Variants in NRP2 observed in about 807,000 individuals in gnomAD.
The protein encoded by NRP2 is neuropilin-2.
In NRP2, 52 loss-of-function variants were observed where a neutral mutation model predicts 110.4. That is an observed-to-expected ratio of 0.47 (90% CI 0.38 to 0.59). The LOEUF (loss-of-function observed/expected upper bound fraction) is 0.59. Among genes scored for constraint, NRP2 ranks in the 20% least tolerant of loss-of-function variants. The pLI is 0.00. For synonymous variants in NRP2, 508 were observed against 468.9 expected (o/e 1.08, Z -1.08); for missense variants, 1,049 against 1,203.0 (o/e 0.87, Z 1.89).
At chr2:205,697,152 A>T (rs1337624927) in intron 1 of NRP2, among the ~76,000 whole-genome samples, 2 of 152,094 alleles carry the variant, frequency 1.3e-5, no homozygotes, top group Non-Finnish European at 2.9e-5. Flanking sequence ...GATTTATGAG[A>T]TAAAGATAGA....
rs2057721406 is a variant in NRP2 at position 205,755,637 on chromosome 2, T to TG, written c.2044+2663dup. Among the ~76,000 whole-genome samples, 2 of 147,642 alleles carry TG rather than the reference T, an allele frequency of 1.4e-5. 1 individual carries two copies. Among genetic ancestry groups the TG allele is most frequent in the Non-Finnish European group, 3.0e-5 (2 of 67,142 alleles). On this transcript the variant is annotated intron_variant, in intron 12 of 16. Coordinates refer to ENST00000357785, the MANE Select transcript of NRP2 (RefSeq NM_003872.3). Reference sequence around the variant, plus strand: ...AAAAAAAAAAAGGAGGGGGAGGCCCTGAGGGGATTGGGGAGAAGGGAAGCA... The same window carrying TG: ...AAAAAAAAAAAGGAGGGGGAGGCCCTGGAGGGGATTGGGGAGAAGGGAAGCA...
At chr2:205,683,445 A>AACG (rs1386429466) in intron 1 of NRP2, 82 bp downstream of exon 1, 1 of 964,974 alleles carries the variant, frequency 1.0e-6, no homozygotes, top group Non-Finnish European at 1.7e-6. Flanking sequence ...GGCCACGCAG[A>AACG]ACGGCACAGA....
chr2:205,736,201 G>T (rs545149505), intron 7 of NRP2, among the ~76,000 whole-genome samples: 2 of 152,166 alleles, frequency 1.3e-5, no homozygotes, highest in South Asian at 4.1e-4. Context: ...AATTAGCCAG[G>T]CTTGGTGGCG....
At chr2:205,774,544 G>T (rs893071939) in intron 15 of NRP2, among the ~76,000 whole-genome samples, 1 of 152,170 alleles carries the variant, frequency 6.6e-6, no homozygotes, top group African/African-American at 2.4e-5. Context: ...GGGACTTCTG[G>T]TCACCCAAGA....
At chr2:205,779,770 G>A (rs2058153023) in intron 15 of NRP2, 2 of 152,134 alleles carry the variant, frequency 1.3e-5, no homozygotes, top group Non-Finnish European at 1.5e-5. Context: ...TGTAGGCTTT[G>A]AGCAAACTGA....
At chr2:205,726,601 G>A (rs751056171) in intron 6 of NRP2, among the ~76,000 whole-genome samples, 16 of 152,118 alleles carry the variant, frequency 1.1e-4, no homozygotes, top group Non-Finnish European at 1.8e-4. Context: ...CCAGATGCTC[G>A]GCAGCATCTC....
rs530087986 is a variant in NRP2 at position 205,716,232 on chromosome 2, C to A, written c.291C>A (p.Ser97=). The A allele has an allele frequency of 6.2e-7, 1 of 1,614,158 alleles. No individual in the cohort carries two copies. The highest frequency in any genetic ancestry group is 8.5e-7 in the Non-Finnish European group (1 of 1,180,036). The change falls in exon 3 of 17, where the codon TCC becomes TCA. Residue 97 remains serine (S), a synonymous_variant. Coordinates refer to ENST00000357785, the MANE Select transcript of NRP2 (RefSeq NM_003872.3). ...FIEIRDGDSE[S]ADLLGKHCGN... The stretch of plus-strand genomic sequence containing the variant: ...AGATTCGGGATGGGGACAGTGAATC[C>A]GCAGACCTCCTGGGCAAACACTGTG...
intron 2 of NRP2, among the ~76,000 whole-genome samples, chr2:205,707,082 T>C (rs191548604): frequency 3.3e-5 from 5 of 152,364 alleles, no homozygotes; most frequent in East Asian, 3.9e-4. Flanking sequence ...CATGGTCTTA[T>C]GAGGCTCTAG....
intron 15 of NRP2, among the ~76,000 whole-genome samples, chr2:205,783,802 G>A (rs2058204679): frequency 6.6e-6 from 1 of 152,240 alleles, no homozygotes; most frequent in Admixed American, 6.5e-5. Context: ...GTGGTGTGCT[G>A]AGAGAAAAGT....
rs779865557 is a variant in NRP2, at chr2:205,745,728, T to C, written c.1642-18T>C. The stretch of plus-strand genomic sequence containing the variant: ...TGGGTCCCACACCAGAAGGGCTGAG[T>C]GGCCTCTCTCCCTGCAGCTGTTCGA... On this transcript the variant is annotated intron_variant, in intron 9 of 16. Transcript: ENST00000357785. The C allele has an allele frequency of 1.2e-6, 2 of 1,613,834 alleles. No homozygotes were observed. Among genetic ancestry groups the C allele is most frequent in the Non-Finnish European group, 1.7e-6 (2 of 1,179,870 alleles).
chr2:205,796,340 T>C lies in NRP2; in HGVS notation c.*1282T>C, dbSNP rs538710644. The C allele has an allele frequency of 1.0e-4, 16 of 152,716 alleles. No homozygotes were observed. The highest frequency in any genetic ancestry group is 2.9e-4 in the African/African-American group (12 of 41,564). The allele number at this position is 152,716 out of a possible 1,614,324, so 9.5% of individuals were successfully genotyped here. A position where few individuals can be genotyped will look rare whatever the true frequency, so the allele number is the denominator to read the frequency against. ...ATTCTAACCAGAAGTCCGCAAGTAC[T>C]GTGGACAAGAATGCTTAACCATGCT... On this transcript the variant is annotated 3_prime_UTR_variant, in exon 17 of 17. Coordinates refer to ENST00000357785, the MANE Select transcript of NRP2 (RefSeq NM_003872.3).
At chr2:205,769,588 A>T (rs1334886701) in intron 15 of NRP2, among the ~76,000 whole-genome samples, 4 of 151,968 alleles carry the variant, frequency 2.6e-5, no homozygotes, top group Non-Finnish European at 5.9e-5. Context: ...AAAAGCCTGG[A>T]AGAAAAAGAG....
intron 1 of NRP2, among the ~76,000 whole-genome samples, chr2:205,684,949 AGCGCGCACACACTGGCACTCACACTG>A (rs1383870931): frequency 1.3e-5 from 2 of 152,182 alleles, no homozygotes; most frequent in African/African-American, 4.8e-5. Flanking sequence ...CCAGCGCGCG[AGCGCGCACACACTGGCACTCACACTG>A]GCGCGCACAC....
At chr2:205,775,366 G>A (rs548540310) in intron 15 of NRP2, among the ~76,000 whole-genome samples, 67 of 152,300 alleles carry the variant, frequency 4.4e-4, no homozygotes, top group Admixed American at 4.6e-4. Context: ...GCAGCGGCCA[G>A]TGAACGTGGT....
intron 12 of NRP2, among the ~76,000 whole-genome samples, chr2:205,759,133 A>G (rs2057781959): frequency 6.6e-6 from 1 of 152,232 alleles, no homozygotes; most frequent in African/African-American, 2.4e-5. Flanking sequence ...AAGAAGGGTC[A>G]GTGGAAAACC....
chr2:205,706,324 A>G (rs1338256265), intron 2 of NRP2, among the ~76,000 whole-genome samples: 1 of 152,088 alleles, frequency 6.6e-6, no homozygotes, highest in East Asian at 1.9e-4. Context: ...AGAGTGAACG[A>G]GGGGGGAAAT....
chr2:205,726,744 C>T (rs921964288), intron 6 of NRP2, among the ~76,000 whole-genome samples: 1 of 152,206 alleles, frequency 6.6e-6, no homozygotes, highest in African/African-American at 2.4e-5. Context: ...ACTAGTTCCA[C>T]ACCAGAGCAG....
chr2:205,711,336 T>C (rs1039531629), intron 2 of NRP2, among the ~76,000 whole-genome samples: 1 of 152,128 alleles, frequency 6.6e-6, no homozygotes, highest in Non-Finnish European at 1.5e-5. Context: ...CAAATAGGTA[T>C]ATTGACAAGA....
At chr2:205,696,175 T>C (rs1429591783) in intron 1 of NRP2, among the ~76,000 whole-genome samples, 1 of 152,184 alleles carries the variant, frequency 6.6e-6, no homozygotes, top group Non-Finnish European at 1.5e-5. Flanking sequence ...CCATCTTTTA[T>C]GCATTTAAAG....
Sources: gnomAD v4.1 joint callset for allele counts (sites outside exome capture counted in the v4.1 genomes callset) on GRCh38, gnomAD v4.1.1 for gene constraint, MANE v1.5 for transcripts, NCBI Gene and HGNC (gene_info 2026-07-23, HGNC 2026-07-21) for gene names.